The following SRPK2 variants were observed in gnomAD, a reference collection of about 807,000 sequenced individuals.
SRPK2 encodes the protein SRSF protein kinase 2.
In SRPK2, 21 loss-of-function variants were observed where a neutral mutation model predicts 90.8. That is an observed-to-expected ratio of 0.23 (90% confidence interval 0.16 to 0.33). The LOEUF is 0.33. Ranked by LOEUF, SRPK2 falls within the 10% of genes least tolerant of loss-of-function variation. The probability of loss-of-function intolerance (pLI) is 1.00; values close to 1 mark genes in which losing one functional copy is unlikely to be tolerated. For synonymous variants in SRPK2, 288 were observed against 311.1 expected (o/e 0.93, Z 0.78); for missense variants, 620 against 869.0 (o/e 0.71, Z 3.60).
intron 13 of SRPK2, 144 bp from the exon 14 acceptor site, chr7:105,127,206 T>C: frequency 1.5e-6 from 1 of 661,452 alleles, no homozygotes; most frequent in South Asian, 2.2e-5. Context: ...TACTAATTTT[T>C]TTCTTTCTTC....
intron 3 of SRPK2, among the ~76,000 whole-genome samples, chr7:105,174,917 G>A (rs1791635507): frequency 6.6e-6 from 1 of 152,182 alleles, no homozygotes; most frequent in Admixed American, 6.5e-5. Context: ...GCCGAGGCAG[G>A]TGGATCACCT....
intron 2 of SRPK2, among the ~76,000 whole-genome samples, chr7:105,354,056 C>T (rs897030365): frequency 6.6e-6 from 1 of 152,224 alleles, no homozygotes; most frequent in African/African-American, 2.4e-5. Context: ...GCTGGCCCAA[C>T]AGCTGCTGCA....
rs555274753 is a variant in SRPK2 at position 105,263,360 on chromosome 7, T to G, written c.72-59575A>C. 7.2e-5 allele frequency among the ~76,000 whole-genome samples: 11 copies of G among 152,030 alleles called. No homozygotes were observed. In the South Asian group the frequency reaches 1.9e-3, roughly 26 times the overall value. On this transcript the variant is annotated intron_variant, in intron 2 of 15. Transcript: ENST00000393651. The stretch of plus-strand genomic sequence containing the variant: ...GAAAAAGAAATGCTCATAGCAGCAC[T>G]ATTCCTAATAACCACAAACTGTAAG...
chr7:105,290,715 A>T (rs1016794452), intron 2 of SRPK2, among the ~76,000 whole-genome samples: 1 of 152,142 alleles, frequency 6.6e-6, no homozygotes, highest in Middle Eastern at 3.2e-3. Flanking sequence ...CTATACTACC[A>T]GCTATGAAAT....
intron 2 of SRPK2, among the ~76,000 whole-genome samples, chr7:105,361,479 A>T (rs748315438): frequency 5.3e-5 from 8 of 152,224 alleles, no homozygotes; most frequent in Non-Finnish European, 1.2e-4. Context: ...AACTACTTTA[A>T]AGTTCATACG....
intron 2 of SRPK2, among the ~76,000 whole-genome samples, chr7:105,354,598 A>G (rs1265481155): frequency 6.6e-6 from 1 of 152,192 alleles, no homozygotes; most frequent in Non-Finnish European, 1.5e-5. Flanking sequence ...GTTTTATGCA[A>G]CAGTTGGGTA....
intron 2 of SRPK2, among the ~76,000 whole-genome samples, chr7:105,336,048 GTTTA>G (rs966032069): frequency 2.6e-5 from 4 of 151,432 alleles, no homozygotes; most frequent in Admixed American, 6.6e-5. Context: ...AGCACAAAAT[GTTTA>G]TTTATGAAAA....
intron 2 of SRPK2, among the ~76,000 whole-genome samples, chr7:105,351,427 G>A (rs987135742): frequency 6.6e-6 from 1 of 152,032 alleles, no homozygotes; most frequent in African/African-American, 2.4e-5. Context: ...GGAGGCTGAG[G>A]AGGGCGAATC....
chr7:105,315,565 C>CCT (rs1812216941), intron 2 of SRPK2, among the ~76,000 whole-genome samples: 1 of 152,166 alleles, frequency 6.6e-6, no homozygotes, highest in Non-Finnish European at 1.5e-5. Context: ...ATTCTGGGCC[C>CCT]ATGACTCTCA....
chr7:105,160,450 G>A (rs1807445859), intron 7 of SRPK2, 57 bp downstream of exon 7: 1 of 961,764 alleles, frequency 1.0e-6, no homozygotes, highest in Admixed American at 1.8e-5. Flanking sequence ...CAGCATTCAT[G>A]TTGAAAGCCT....
chr7:105,134,030 G>A (rs1372727983), intron 11 of SRPK2, among the ~76,000 whole-genome samples: 1 of 152,080 alleles, frequency 6.6e-6, no homozygotes, highest in Non-Finnish European at 1.5e-5. Flanking sequence ...CCAAACCTCA[G>A]ACTGACCTAC....
chr7:105,198,947 G>C (rs974612532), intron 3 of SRPK2, among the ~76,000 whole-genome samples: 1 of 152,124 alleles, frequency 6.6e-6, no homozygotes, highest in African/African-American at 2.4e-5. Context: ...CTAAGATAAC[G>C]CGAGTAGGAA....
intron 2 of SRPK2, among the ~76,000 whole-genome samples, chr7:105,344,406 C>CTTTTTTTTTT (rs1563264048): frequency 7.8e-6 from 1 of 128,612 alleles, no homozygotes; most frequent in Non-Finnish European, 1.6e-5. Flanking sequence ...TGCAGCCACA[C>CTTTTTTTTTT]CTTTTTTTTT....
At chr7:105,178,007 C>T (rs897374136) in intron 3 of SRPK2, among the ~76,000 whole-genome samples, 2 of 142,276 alleles carry the variant, frequency 1.4e-5, no homozygotes, top group Admixed American at 7.4e-5. Context: ...CCAGCCTGGG[C>T]GACTGAGCGA....
intron 2 of SRPK2, among the ~76,000 whole-genome samples, chr7:105,240,377 T>C (rs1800658499): frequency 6.6e-6 from 1 of 152,198 alleles, no homozygotes; most frequent in Non-Finnish European, 1.5e-5. Context: ...GACCATAGCA[T>C]GGTCAAAAGT....
At chr7:105,227,945 T>C (rs956440275) in intron 2 of SRPK2, among the ~76,000 whole-genome samples, 1 of 145,978 alleles carries the variant, frequency 6.9e-6, no homozygotes, top group Non-Finnish European at 1.5e-5. Context: ...CTCCAAATAA[T>C]GGATCAGTAA....
intron 2 of SRPK2, among the ~76,000 whole-genome samples, chr7:105,306,916 T>C (rs764690184): frequency 3.3e-5 from 5 of 152,222 alleles, no homozygotes; most frequent in Admixed American, 6.5e-5. Context: ...CTCACACTTA[T>C]GGAAAGCTGT....
chr7:105,240,041 T>C (rs974856068), intron 2 of SRPK2, among the ~76,000 whole-genome samples: 4 of 152,184 alleles, frequency 2.6e-5, no homozygotes, highest in African/African-American at 9.7e-5. Context: ...TCTGTTTAGG[T>C]TGCTATAACA....
At chr7:105,329,465 C>T (rs914868708) in intron 2 of SRPK2, among the ~76,000 whole-genome samples, 5 of 151,640 alleles carry the variant, frequency 3.3e-5, no homozygotes, top group African/African-American at 9.7e-5. Flanking sequence ...TGGTGGTGAA[C>T]GCATGGAATC....
Sources: gnomAD v4.1 joint callset for allele counts (sites outside exome capture counted in the v4.1 genomes callset) on GRCh38, gnomAD v4.1.1 for gene constraint, MANE v1.5 for transcripts, NCBI Gene and HGNC (gene_info 2026-07-23, HGNC 2026-07-21) for gene names.